The following UNC93A variants were observed in gnomAD, a reference collection of about 807,000 sequenced individuals.
UNC93A encodes N-acetylglucosamine transporter UNC93A.
UNC93A carries 43 observed loss-of-function variants against 47.5 expected under a neutral mutation model. The ratio of observed to expected loss-of-function variants is 0.91; its 90% CI spans 0.71 to 1.17. The LOEUF (loss-of-function observed/expected upper bound fraction) is 1.17, where lower values mean the gene tolerates loss of function less well. UNC93A is among the 50% of genes most tolerant of loss of function. UNC93A has a pLI of 0.00. For synonymous variants in UNC93A, 280 were observed against 258.0 expected (o/e 1.09, Z -0.82); for missense variants, 605 against 577.6 (o/e 1.05, Z -0.49).
intron 5 of UNC93A, among the ~76,000 whole-genome samples, chr6:167,305,228 T>C (rs1205594309): frequency 6.6e-6 from 1 of 152,232 alleles, no homozygotes; most frequent in Non-Finnish European, 1.5e-5. Flanking sequence ...GTGGGTGTCC[T>C]CAACTTTATC....
chr6:167,296,412 T>C, intron 3 of UNC93A, 151 bp downstream of exon 3: 1 of 820,700 alleles, frequency 1.2e-6, no homozygotes. Context: ...TCAACCTGCC[T>C]GTGCTTCAGA....
At chr6:167,286,977 CAAA>C (rs548370859), upstream of UNC93A, among the ~76,000 whole-genome samples, 1,853 of 109,756 alleles carry the variant, frequency 0.017, 18 homozygotes, top group East Asian at 0.055. Flanking sequence ...GACTCTGTCT[CAAA>C]AAAAAAAAAA....
intron 4 of UNC93A, among the ~76,000 whole-genome samples, chr6:167,299,881 T>C (rs1778193063): frequency 1.3e-5 from 2 of 152,020 alleles, no homozygotes; most frequent in Admixed American, 1.3e-4. Flanking sequence ...TCTGGACGAG[T>C]GCAGACTTGC....
intron 7 of UNC93A, among the ~76,000 whole-genome samples, chr6:167,310,574 AT>A (rs545995563): frequency 2.6e-5 from 4 of 152,334 alleles, no homozygotes; most frequent in Non-Finnish European, 4.4e-5. Context: ...GGAAAAAGTA[AT>A]TTTTTTCAAA....
At position 167,315,556 on chromosome 6, in the gene UNC93A, C is replaced by A; in HGVS notation, c.*104C>A. 1 of 1,544,602 alleles carries A rather than the reference C, an allele frequency of 6.5e-7. No individual in the cohort carries two copies. The highest frequency in any genetic ancestry group is 2.3e-5 in the East Asian group (1 of 44,400). ...GCGGCTCCTCATCACCATCTCAGCA[C>A]AATTTGGCCATTCTGAAGAGATCAT... On this transcript the variant is annotated 3_prime_UTR_variant, in exon 8 of 8. Coordinates refer to ENST00000230256, the MANE Select transcript of UNC93A (RefSeq NM_018974.4).
At chr6:167,295,036 G>A (rs1049431335) in intron 2 of UNC93A, among the ~76,000 whole-genome samples, 4 of 152,148 alleles carry the variant, frequency 2.6e-5, no homozygotes, top group African/African-American at 4.8e-5. Flanking sequence ...AATGCAGATG[G>A]TGAGTCTCGT....
chr6:167,300,660 A>C (rs1233580010), intron 4 of UNC93A, among the ~76,000 whole-genome samples: 1 of 152,132 alleles, frequency 6.6e-6, no homozygotes, highest in Non-Finnish European at 1.5e-5. Flanking sequence ...AATTGTGGTC[A>C]TGTTTTCCCA....
intron 4 of UNC93A, among the ~76,000 whole-genome samples, chr6:167,302,587 A>T (rs548314798): frequency 6.6e-6 from 1 of 152,212 alleles, no homozygotes; most frequent in Non-Finnish European, 1.5e-5. Flanking sequence ...AGAAACGCCT[A>T]AATAAACATC....
At chr6:167,304,415 TG>T (rs1778324475) in intron 5 of UNC93A, among the ~76,000 whole-genome samples, 1 of 152,196 alleles carries the variant, frequency 6.6e-6, no homozygotes, top group African/African-American at 2.4e-5. Flanking sequence ...AACAAGTGGA[TG>T]GGCAGCTGCC....
At chr6:167,280,052 C>T (rs1357433784) in intron 1 of UNC93A, among the ~76,000 whole-genome samples, 1 of 152,202 alleles carries the variant, frequency 6.6e-6, no homozygotes, top group Admixed American at 6.5e-5. Flanking sequence ...GGGAGAATTC[C>T]AGTGCCTTTA....
At chr6:167,296,362 G>C (rs1198305907) in intron 3 of UNC93A, 101 bp downstream of exon 3, 5 of 1,297,416 alleles carry the variant, frequency 3.9e-6, no homozygotes, top group Non-Finnish European at 4.4e-6. Context: ...CCTTGATTCT[G>C]TAACTTGAGC....
intron 7 of UNC93A, among the ~76,000 whole-genome samples, chr6:167,309,369 A>G (rs914241969): frequency 6.6e-6 from 1 of 152,122 alleles, no homozygotes; most frequent in Non-Finnish European, 1.5e-5. Context: ...AATGACACAG[A>G]TGAGGACTTA....
intron 1 of UNC93A, among the ~76,000 whole-genome samples, chr6:167,293,041 C>G (rs900947111): frequency 1.3e-5 from 2 of 152,180 alleles, no homozygotes; most frequent in African/African-American, 4.8e-5. Context: ...GGGCTGGGAG[C>G]TGCCAGGGGT....
upstream of UNC93A, among the ~76,000 whole-genome samples, chr6:167,288,824 C>A (rs1248334525): frequency 1.3e-5 from 2 of 152,170 alleles, no homozygotes; most frequent in African/African-American, 4.8e-5. Flanking sequence ...TCAGCCGTAG[C>A]AAAACGGTGC....
At chr6:167,275,809 G>A (rs904857001) in intron 1 of UNC93A, among the ~76,000 whole-genome samples, 1 of 152,232 alleles carries the variant, frequency 6.6e-6, no homozygotes, top group Non-Finnish European at 1.5e-5. Context: ...TATCCAAGAA[G>A]TGAGTCTTTT....
intron 1 of UNC93A, among the ~76,000 whole-genome samples, chr6:167,293,456 C>G (rs1777947341): frequency 6.6e-6 from 1 of 152,190 alleles, no homozygotes; most frequent in African/African-American, 2.4e-5. Flanking sequence ...CTTTAACCCT[C>G]TAACTGGGAC....
upstream of UNC93A, among the ~76,000 whole-genome samples, chr6:167,291,064 C>T (rs1468206992): frequency 1.3e-5 from 2 of 152,184 alleles, no homozygotes; most frequent in Non-Finnish European, 2.9e-5. Flanking sequence ...TCATTCTGCA[C>T]CACTGACAAC....
chr6:167,273,055 GGCCCCTTTGTGACT>G (rs1446648151), intron 1 of UNC93A, among the ~76,000 whole-genome samples: 1 of 152,152 alleles, frequency 6.6e-6, no homozygotes, highest in Non-Finnish European at 1.5e-5. Context: ...CCTGCCTGTG[GGCCCCTTTGTGACT>G]GCCCAGGCAA....
At chr6:167,294,890 C>G (rs887592845) in intron 2 of UNC93A, among the ~76,000 whole-genome samples, 192 bp downstream of exon 2, 3 of 152,008 alleles carry the variant, frequency 2.0e-5, no homozygotes, top group African/African-American at 7.3e-5. Flanking sequence ...GTTTTCCCAC[C>G]AAGGCTCCTC....
Sources: gnomAD v4.1 joint callset for allele counts (sites outside exome capture counted in the v4.1 genomes callset) on GRCh38, gnomAD v4.1.1 for gene constraint, MANE v1.5 for transcripts, NCBI Gene and HGNC (gene_info 2026-07-23, HGNC 2026-07-21) for gene names.